Variants in SIRT5 observed in about 807,000 individuals in gnomAD.
SIRT5 encodes sirtuin 5.
Under a neutral mutation model 40.0 loss-of-function variants are expected in SIRT5, and 26 were observed. The observed-to-expected ratio is 0.65, with a 90% confidence interval of 0.48 to 0.90. SIRT5 has a LOEUF of 0.90. Among genes scored for constraint, SIRT5 ranks in the 40% least tolerant of loss-of-function variants. SIRT5 has a pLI of 0.00. For missense variants in SIRT5, 401 were observed against 402.4 expected (o/e 1.00, Z 0.03); for synonymous variants, 146 against 149.1 (o/e 0.98, Z 0.15).
chr6:13,609,989 G>A (rs1490175160), intron 9 of SIRT5, among the ~76,000 whole-genome samples: 2 of 152,050 alleles, frequency 1.3e-5, no homozygotes, highest in Non-Finnish European at 2.9e-5. Flanking sequence ...TTAAGAGAGG[G>A]AGCTCCCTCT....
chr6:13,580,148 T>C (rs577453309), intron 2 of SIRT5, among the ~76,000 whole-genome samples: 1 of 152,338 alleles, frequency 6.6e-6, no homozygotes, highest in African/African-American at 2.4e-5. Context: ...GAAGTAACTT[T>C]AGGCAGCCAG....
At chr6:13,581,081 A>T (rs1759286084) in intron 2 of SIRT5, among the ~76,000 whole-genome samples, 1 of 152,194 alleles carries the variant, frequency 6.6e-6, no homozygotes, top group Non-Finnish European at 1.5e-5. Flanking sequence ...TAATGTTCAC[A>T]TCTTACCTAA....
chr6:13,610,159 C>T (rs1452500139), intron 9 of SIRT5, among the ~76,000 whole-genome samples: 2 of 152,046 alleles, frequency 1.3e-5, no homozygotes, highest in Admixed American at 6.6e-5. Flanking sequence ...TTTGTAGAGA[C>T]GGGGTCTTGC....
chr6:13,609,371 T>C (rs779986380), intron 9 of SIRT5, among the ~76,000 whole-genome samples: 167 of 152,012 alleles, frequency 1.1e-3, no homozygotes, highest in Non-Finnish European at 1.9e-3. Flanking sequence ...ATTAAAGCAA[T>C]TGGGGGGAGG....
intron 5 of SIRT5, among the ~76,000 whole-genome samples, chr6:13,593,803 T>C (rs1761243600): frequency 6.6e-6 from 1 of 152,180 alleles, no homozygotes; most frequent in African/African-American, 2.4e-5. Context: ...AAATTATATC[T>C]TTCCAGGCAT....
rs747686163 is a variant in SIRT5, at chr6:13,588,436, G to T, written c.221G>T (p.Gly74Val). ...GGTGTTCCGACCTTCAGAGGAGCTG[G>T]AGGTTATTGGAGAAAATGGCAAGCC... ...ESGVPTFRGA[G>V]GYWRKWQAQD... Residue 74 changes from glycine (G) to valine (V), a missense_variant, in exon 4 of 10, where the codon GGA becomes GTA. Physicochemically the swap from Gly to Val is moderately radical, Grantham distance 109. Coordinates refer to ENST00000606117, the MANE Select transcript of SIRT5 (RefSeq NM_012241.5). 2.5e-6 allele frequency: 4 copies of T among 1,614,044 alleles called. No individual in the cohort carries two copies.
chr6:13,592,553 G>C (rs1388660908), intron 5 of SIRT5, among the ~76,000 whole-genome samples: 2 of 150,594 alleles, frequency 1.3e-5, no homozygotes. Flanking sequence ...CACCAAGCCT[G>C]TGATGTCGGT....
chr6:13,583,824 G>A (rs897491464), intron 2 of SIRT5, among the ~76,000 whole-genome samples: 2 of 152,136 alleles, frequency 1.3e-5, no homozygotes, highest in South Asian at 2.1e-4. Context: ...CACGCTTTGA[G>A]AAGCACTGCT....
At position 13,591,765 on chromosome 6, in the gene SIRT5, G is replaced by A. The variant is rs201231437; in HGVS notation, c.346G>A (p.Ala116Thr). ...REVMGSKEPN[A>T]GHRAIAECET... ...GGTCATGGGGAGCAAGGAGCCCAAC[G>A]CCGGGCACCGCGCCATAGCCGAGTG... is the stretch of plus-strand genomic sequence containing the variant. Residue 116 changes from alanine (A) to threonine (T), a missense_variant, in exon 5 of 10, where the codon GCC becomes ACC. Transcript: ENST00000606117. 5 of 1,613,620 alleles carry A rather than the reference G, an allele frequency of 3.1e-6. No homozygotes were observed. Among genetic ancestry groups the A allele is most frequent in the African/African-American group, 2.7e-5 (2 of 74,938 alleles).
rs116110163 is a variant in SIRT5, at chr6:13,611,828, A to G, written c.896A>G (p.Glu299Gly). 324 of 1,614,042 alleles carry G rather than the reference A, an allele frequency of 2.0e-4. 3 individuals are homozygous for G. In the African/African-American group the frequency reaches 4.0e-3, roughly 20 times the overall value. ...GGACCCTGTGGAACGACTCTTCCTG[A>G]AGCCCTTGCCTGTCATGAAAATGAA... is the stretch of plus-strand genomic sequence containing the variant. ...FQGPCGTTLP[E>G]ALACHENETV... is the part of the protein sequence containing the mutation. Residue 299 changes from glutamate (E) to glycine (G), a missense_variant, in exon 10 of 10, where the codon GAA becomes GGA. Glu to Gly is a moderately conservative substitution (Grantham distance 98). Transcript: ENST00000606117.
chr6:13,600,329 A>T (rs1034838764), intron 8 of SIRT5, among the ~76,000 whole-genome samples: 1 of 152,232 alleles, frequency 6.6e-6, no homozygotes, highest in Non-Finnish European at 1.5e-5. Flanking sequence ...TTTACAAAAC[A>T]GGTCATGCTC....
intron 9 of SIRT5, chr6:13,604,931 A>G (rs1017554075): frequency 4.0e-6 from 4 of 994,792 alleles, no homozygotes; most frequent in Non-Finnish European, 1.2e-6. Flanking sequence ...GACCACAAGA[A>G]CTGTCATCTC....
chr6:13,597,670 C>T (rs899397358), intron 7 of SIRT5, among the ~76,000 whole-genome samples: 1 of 151,934 alleles, frequency 6.6e-6, no homozygotes, highest in Non-Finnish European at 1.5e-5. Context: ...CTCAGCCTCC[C>T]GAGTAGCTGG....
At chr6:13,598,240 A>C (rs1221746047) in intron 7 of SIRT5, among the ~76,000 whole-genome samples, 2 of 152,202 alleles carry the variant, frequency 1.3e-5, no homozygotes, top group Non-Finnish European at 2.9e-5. Context: ...GGATGGTTTT[A>C]GGAGGTGTAT....
intron 8 of SIRT5, among the ~76,000 whole-genome samples, chr6:13,599,723 A>G (rs757101332): frequency 1.3e-5 from 2 of 152,246 alleles, no homozygotes; most frequent in Non-Finnish European, 2.9e-5. Context: ...TCAAACTACA[A>G]GTGGCAGAGT....
At chr6:13,576,769 T>C (rs1284672847) in intron 1 of SIRT5, among the ~76,000 whole-genome samples, 2 of 152,246 alleles carry the variant, frequency 1.3e-5, no homozygotes, top group African/African-American at 4.8e-5. Context: ...CTTCTATTAG[T>C]TTTACAGTTT....
At position 13,607,001 on chromosome 6, in the gene SIRT5, G is replaced by A. The variant is rs932127074; in HGVS notation, c.858-4789G>A. On this transcript the variant is annotated intron_variant, in intron 9 of 9. Transcript: ENST00000606117. This position sits in a 1 kb window ranked among gnomAD's most constrained non-coding sequence, Gnocchi z 4.0. The stretch of plus-strand genomic sequence containing the variant: ...TTGGCCTGCTTTTTTTTTTTTTTTT[G>A]GAATAGAGCTAAAGGCCTTTTGTTT... Among the ~76,000 whole-genome samples, 39 of 138,348 alleles carry A rather than the reference G, an allele frequency of 2.8e-4. No homozygotes were observed. The highest frequency in any genetic ancestry group is 3.7e-3 in the Middle Eastern group (1 of 268). 90.8% of individuals were successfully genotyped at this position (138,348 alleles called of 152,430 possible).
Position 13,614,244 on chromosome 6 carries a change from T to G in SIRT5, c.*2379T>G, listed in dbSNP as rs1764168728. Reference sequence around the variant, plus strand: ...AACTGTCATATAAGCTGTTATGAAGTGCAGAAACTACACAGACATTTGTGC... The same window carrying G: ...AACTGTCATATAAGCTGTTATGAAGGGCAGAAACTACACAGACATTTGTGC... On this transcript the variant is annotated 3_prime_UTR_variant, in exon 10 of 10. Coordinates refer to ENST00000606117, the MANE Select transcript of SIRT5 (RefSeq NM_012241.5). The G allele has an allele frequency of 6.6e-6, 1 of 152,200 alleles. No individual in the cohort carries two copies. 9.4% of individuals were successfully genotyped at this position (152,200 alleles called of 1,614,324 possible). A position where few individuals can be genotyped will look rare whatever the true frequency, so the allele number is the denominator to read the frequency against.
rs2127751758 is a variant in SIRT5, at chr6:13,614,364, A to C, written c.*2499A>C. 1 of 152,342 alleles carries C rather than the reference A, an allele frequency of 6.6e-6. No homozygotes were observed. Among genetic ancestry groups the C allele is most frequent in the South Asian group, 2.1e-4 (1 of 4,822 alleles). The allele number at this position is 152,342 out of a possible 1,614,324, so 9.4% of individuals were successfully genotyped here. A position where few individuals can be genotyped will look rare whatever the true frequency, so the allele number is the denominator to read the frequency against. ...CTGGGTGGGAATTTTTGAAGTATAA[A>C]AAGGACTTCTACCTGGGGGGCTGCG... On this transcript the variant is annotated 3_prime_UTR_variant, in exon 10 of 10. Transcript: ENST00000606117.
Sources: gnomAD v4.1 joint callset for allele counts (sites outside exome capture counted in the v4.1 genomes callset) on GRCh38, gnomAD v4.1.1 for gene constraint, Gnocchi (gnomAD v3.1) non-coding constraint, MANE v1.5 for transcripts, NCBI Gene and HGNC (gene_info 2026-07-23, HGNC 2026-07-21) for gene names.